WDR72: variants seen among roughly 807,000 people sequenced by gnomAD.
The protein encoded by WDR72 is WD repeat-containing protein 72.
In WDR72, 120 loss-of-function variants were observed where a neutral mutation model predicts 124.2. That is an observed-to-expected ratio of 0.97 (90% CI 0.83 to 1.12). The LOEUF (loss-of-function observed/expected upper bound fraction) is 1.12. Among genes scored for constraint, WDR72 ranks in the 50% most tolerant of loss-of-function variants. The pLI, the probability that WDR72 is intolerant of heterozygous loss-of-function variation, is 0.00. For synonymous variants in WDR72, 452 were observed against 441.7 expected, an observed-to-expected ratio of 1.02 and a Z score of -0.29; for missense variants, 1,387 against 1,278.8, an observed-to-expected ratio of 1.08 and a Z score of -1.29.
chr15:53,570,094 A>G (rs189373524), intron 18 of WDR72, among the ~76,000 whole-genome samples: 4 of 151,472 alleles, frequency 2.6e-5, no homozygotes, highest in African/African-American at 9.7e-5. Context: ...GCAGGAATAC[A>G]CTCCCCCCTT....
chr15:53,756,824 A>C (rs2018921489), intron 1 of WDR72: 1 of 152,238 alleles, frequency 6.6e-6, no homozygotes, highest in South Asian at 2.1e-4. Context: ...AGAGCTAGGA[A>C]ACAAACAGAT....
chr15:53,693,171 G>C (rs1356400851), intron 13 of WDR72, among the ~76,000 whole-genome samples: 1 of 152,184 alleles, frequency 6.6e-6, no homozygotes, highest in Non-Finnish European at 1.5e-5. Context: ...TTGTTTCTGA[G>C]AATGGTATAG....
At chr15:53,571,379 C>T (rs1894520687) in intron 18 of WDR72, among the ~76,000 whole-genome samples, 1 of 152,098 alleles carries the variant, frequency 6.6e-6, no homozygotes, top group South Asian at 2.1e-4. Context: ...AATGCCCAAC[C>T]CCTGCCTCCA....
At chr15:53,664,908 T>C (rs1248264412) in intron 14 of WDR72, among the ~76,000 whole-genome samples, 3 of 152,130 alleles carry the variant, frequency 2.0e-5, no homozygotes, top group African/African-American at 7.2e-5. Flanking sequence ...TATGTACATA[T>C]AAACGGCATA....
At chr15:53,644,535 T>G (rs1212035342) in intron 14 of WDR72, among the ~76,000 whole-genome samples, 2 of 152,110 alleles carry the variant, frequency 1.3e-5, no homozygotes, top group East Asian at 3.9e-4. Context: ...GCCATAAGCA[T>G]ATAGGTGTAT....
intron 18 of WDR72, among the ~76,000 whole-genome samples, chr15:53,575,040 C>T (rs905237557): frequency 1.4e-5 from 2 of 141,938 alleles, no homozygotes; most frequent in Admixed American, 1.4e-4. Context: ...CACACACACA[C>T]ATTTAAAATG....
At chr15:53,685,917 A>G (rs917079785) in intron 13 of WDR72, among the ~76,000 whole-genome samples, 1 of 134,698 alleles carries the variant, frequency 7.4e-6, no homozygotes, top group Non-Finnish European at 1.6e-5. Flanking sequence ...AACATTCTTA[A>G]AGAAAAGAAT....
At chr15:53,606,526 C>T (rs59627084) in intron 17 of WDR72, among the ~76,000 whole-genome samples, 21,257 of 151,894 alleles carry the variant, frequency 0.14, 2,320 homozygotes, top group African/African-American at 0.31. Flanking sequence ...TATATAACAG[C>T]GAGAAGACAA....
Position 53,665,600 on chromosome 15 carries a change from G to T in WDR72, c.1934C>A (p.Pro645His), listed in dbSNP as rs762474477. ...ACATGAAGACTCCACCTGCAGACCA[G>T]GGCAAGGTAATGGCCCAAGCTGGTA... ...SPYQLGPLPCPGLQVESSCKV... is the reference protein window; with the variant it reads ...SPYQLGPLPCHGLQVESSCKV... The change falls in exon 14 of 20, where the codon CCT becomes CAT. Residue 645 changes from proline to histidine, a missense_variant. Pro to His is a moderately conservative substitution (Grantham distance 77). Coordinates refer to ENST00000360509, the MANE Select transcript of WDR72 (RefSeq NM_182758.4). 1 of 1,613,840 alleles carries T rather than the reference G, an allele frequency of 6.2e-7. No individual in the cohort carries two copies. The highest frequency in any genetic ancestry group is 8.5e-7 in the Non-Finnish European group (1 of 1,179,816).
chr15:53,524,956 A>G (rs1204700422), intron 18 of WDR72, among the ~76,000 whole-genome samples: 1 of 152,044 alleles, frequency 6.6e-6, no homozygotes, highest in Non-Finnish European at 1.5e-5. Flanking sequence ...CCAAGAGGAT[A>G]TGTGCTTTCA....
At chr15:53,650,539 C>G (rs1381399043) in intron 14 of WDR72, among the ~76,000 whole-genome samples, 1 of 152,154 alleles carries the variant, frequency 6.6e-6, no homozygotes, top group East Asian at 1.9e-4. Flanking sequence ...TATATTCCAT[C>G]TCCAGTCATA....
intron 14 of WDR72, among the ~76,000 whole-genome samples, chr15:53,662,717 T>C (rs2015647422): frequency 3.3e-5 from 5 of 152,218 alleles, no homozygotes; most frequent in South Asian, 4.1e-4. Context: ...GGGAAACTTA[T>C]AAGCACCCAT....
At chr15:53,686,507 C>G (rs1403346557) in intron 13 of WDR72, among the ~76,000 whole-genome samples, 1 of 151,708 alleles carries the variant, frequency 6.6e-6, no homozygotes, top group Non-Finnish European at 1.5e-5. Context: ...ACAAGAAGAG[C>G]TAACTATCCT....
Position 53,557,622 on chromosome 15 carries a change from G to T in WDR72, c.3149-34300C>A, listed in dbSNP as rs182124985. ...TACATGGCACCTTTTGAGTTCTTGT[G>T]TAATGAAATCTGGCTGAGGTCAAGA... On this transcript the variant is annotated intron_variant, in intron 18 of 19. Transcript: ENST00000360509. Among the ~76,000 whole-genome samples, 342 of 152,064 alleles carry T rather than the reference G, an allele frequency of 2.2e-3. 1 individual carries two copies. The highest frequency in any genetic ancestry group is 3.9e-3 in the Non-Finnish European group (268 of 67,964).
chr15:53,622,343 A>G (rs1331647097), intron 14 of WDR72, among the ~76,000 whole-genome samples: 2 of 152,270 alleles, frequency 1.3e-5, no homozygotes, highest in East Asian at 3.9e-4. Flanking sequence ...TCATTGCAGC[A>G]CTAGTCACAA....
At chr15:53,538,718 G>C (rs1363564356) in intron 18 of WDR72, among the ~76,000 whole-genome samples, 1 of 152,002 alleles carries the variant, frequency 6.6e-6, no homozygotes, top group African/African-American at 2.4e-5. Flanking sequence ...TTTTTATCTT[G>C]TTTGACCCAA....
At chr15:53,723,001 T>C in intron 2 of WDR72, 93 bp from the exon 3 acceptor site, 1 of 1,232,900 alleles carries the variant, frequency 8.1e-7, no homozygotes, top group South Asian at 1.2e-5. Flanking sequence ...GATTAGGAAA[T>C]TCTGTTGTTT....
intron 18 of WDR72, among the ~76,000 whole-genome samples, chr15:53,552,984 A>T (rs368071516): frequency 2.0e-5 from 3 of 152,156 alleles, no homozygotes; most frequent in South Asian, 2.1e-4. Flanking sequence ...CAAGAAAAAT[A>T]ACTTCAGTCA....
chr15:53,704,881 G>T, intron 11 of WDR72, 107 bp downstream of exon 11: 1 of 1,280,210 alleles, frequency 7.8e-7, no homozygotes, highest in Non-Finnish European at 1.1e-6. Context: ...ATATTTATCA[G>T]CAAATGCCAG....
Sources: allele counts gnomAD v4.1 joint callset (sites outside exome capture counted in the v4.1 genomes callset), GRCh38; gene constraint gnomAD v4.1.1; transcripts MANE v1.5; gene names NCBI Gene and HGNC (gene_info 2026-07-23, HGNC 2026-07-21).